Variants in CHN2 observed in about 807,000 individuals in gnomAD.
CHN2 encodes beta-chimaerin.
Under a neutral mutation model 56.3 loss-of-function variants are expected in CHN2, and 35 were observed. The ratio of observed to expected loss-of-function variants is 0.62; its 90% CI spans 0.47 to 0.82. CHN2 has a LOEUF of 0.82. Ranked by LOEUF, CHN2 falls within the 40% of genes least tolerant of loss-of-function variation. The pLI is 0.00. For synonymous variants in CHN2, 210 were observed against 212.8 expected, an observed-to-expected ratio of 0.99 and a Z score of 0.12; for missense variants, 491 against 580.5, an observed-to-expected ratio of 0.85 and a Z score of 1.58.
intron 1 of CHN2, among the ~76,000 whole-genome samples, chr7:29,263,097 T>C (rs1789705227): frequency 6.6e-6 from 1 of 152,224 alleles, no homozygotes; most frequent in African/African-American, 2.4e-5. Context: ...TGGACTGTAC[T>C]GCCGCCATCT....
chr7:29,508,139 G>T (rs933315221), intron 11 of CHN2, among the ~76,000 whole-genome samples: 10 of 152,176 alleles, frequency 6.6e-5, no homozygotes, highest in Admixed American at 6.5e-4. Flanking sequence ...AAGAAGAAAA[G>T]CAAGGCTTGG....
At chr7:29,418,873 T>A (rs1264554332) in intron 6 of CHN2, among the ~76,000 whole-genome samples, 1 of 152,216 alleles carries the variant, frequency 6.6e-6, no homozygotes, top group Non-Finnish European at 1.5e-5. Context: ...CAATTAGCAC[T>A]CTATGTATCT....
upstream of CHN2, among the ~76,000 whole-genome samples, chr7:29,190,670 A>G (rs45174): frequency 6.6e-6 from 1 of 151,980 alleles, no homozygotes; most frequent in Admixed American, 6.5e-5. Flanking sequence ...GTCTTTTTTG[A>G]TCACAGCAAA....
chr7:29,372,167 C>T (rs936372853), intron 3 of CHN2, among the ~76,000 whole-genome samples: 3 of 151,908 alleles, frequency 2.0e-5, no homozygotes, highest in African/African-American at 7.3e-5. Context: ...TCTCCAAGTG[C>T]ACTGCCTTTT....
chr7:29,299,097 C>T (rs1342843892), intron 1 of CHN2, among the ~76,000 whole-genome samples: 2 of 152,180 alleles, frequency 1.3e-5, no homozygotes, highest in Non-Finnish European at 2.9e-5. Context: ...CTTCCTGCCT[C>T]ACAGATTGAA....
At chr7:29,190,670 A>T (rs45174), upstream of CHN2, among the ~76,000 whole-genome samples, 49,769 of 152,034 alleles carry the variant, frequency 0.33, 8,682 homozygotes, top group African/African-American at 0.44. Context: ...GTCTTTTTTG[A>T]TCACAGCAAA....
chr7:29,317,299 GT>G (rs1795021606), intron 1 of CHN2, among the ~76,000 whole-genome samples: 1 of 152,334 alleles, frequency 6.6e-6, no homozygotes, highest in Middle Eastern at 3.4e-3. Context: ...TTTCTCTGGA[GT>G]TTTAAATTGG....
chr7:29,191,718 T>C (rs1050830495), upstream of CHN2: 1 of 152,242 alleles, frequency 6.6e-6, no homozygotes, highest in Non-Finnish European at 1.5e-5. Context: ...AATTAAGATT[T>C]CTGTAGCACC....
chr7:29,150,509 C>T (rs376027986), intron 2 of CHN2, among the ~76,000 whole-genome samples: 1 of 152,296 alleles, frequency 6.6e-6, no homozygotes, highest in African/African-American at 2.4e-5. Flanking sequence ...ATAGCCGGAG[C>T]TTTGCTGAAC....
chr7:29,503,655 G>A (rs576518237), intron 9 of CHN2, among the ~76,000 whole-genome samples: 13 of 152,270 alleles, frequency 8.5e-5, no homozygotes, highest in South Asian at 4.1e-4. Context: ...CGTGATTTAC[G>A]CCACGTATTT....
intron 6 of CHN2, among the ~76,000 whole-genome samples, chr7:29,460,465 G>A (rs191226945): frequency 2.4e-3 from 362 of 152,302 alleles, no homozygotes; most frequent in African/African-American, 8.3e-3. Flanking sequence ...AAGGCAAAGC[G>A]CTGTCTTGAG....
At chr7:29,394,529 A>T (rs1458957692) in intron 4 of CHN2, among the ~76,000 whole-genome samples, 3 of 152,188 alleles carry the variant, frequency 2.0e-5, no homozygotes, top group Admixed American at 1.3e-4. Context: ...TGACCCTCTT[A>T]GGGGTCCCAG....
chr7:29,436,908 T>A (rs1783266733), intron 6 of CHN2, among the ~76,000 whole-genome samples: 2 of 151,638 alleles, frequency 1.3e-5, no homozygotes. Context: ...TTTTTTAAGC[T>A]ACACTTTAAT....
intron 1 of CHN2, among the ~76,000 whole-genome samples, chr7:29,353,017 T>G (rs1314762479): frequency 6.6e-6 from 1 of 152,204 alleles, no homozygotes; most frequent in African/African-American, 2.4e-5. Context: ...ATACATTGAT[T>G]TAGCAAAACC....
intron 1 of CHN2, among the ~76,000 whole-genome samples, chr7:29,215,363 A>T (rs916534627): frequency 3.3e-5 from 5 of 152,084 alleles, no homozygotes; most frequent in Admixed American, 3.3e-4. Flanking sequence ...GGTCCTAGCT[A>T]CTTGAGGCAC....
chr7:29,334,753 C>T (rs889307900), intron 1 of CHN2, among the ~76,000 whole-genome samples: 36 of 150,860 alleles, frequency 2.4e-4, no homozygotes, highest in African/African-American at 8.0e-4. Context: ...CAGACCCTGT[C>T]TCAAACAAAC....
chr7:29,176,042 CA>C (rs1797279934), intron 2 of CHN2, among the ~76,000 whole-genome samples: 1 of 152,088 alleles, frequency 6.6e-6, no homozygotes, highest in Admixed American at 6.5e-5. Flanking sequence ...AAAAATTAGC[CA>C]GGCGTGGTGG....
intron 1 of CHN2, among the ~76,000 whole-genome samples, chr7:29,206,000 G>T (rs1175725101): frequency 6.6e-6 from 1 of 151,670 alleles, no homozygotes; most frequent in Non-Finnish European, 1.5e-5. Flanking sequence ...CCTTCCAAAG[G>T]TAACCACTAC....
Position 29,483,784 on chromosome 7 carries a change from T to C in CHN2, c.654+3428T>C, listed in dbSNP as rs1787629154. 9 of 1,144,402 alleles carry C rather than the reference T, an allele frequency of 7.9e-6. No individual in the cohort carries two copies. The South Asian group carries it at 1.2e-4, about 15-fold the overall frequency. The allele number at this position is 1,144,402 out of a possible 1,614,324, so 70.9% of individuals were successfully genotyped here. A position where few individuals can be genotyped will look rare whatever the true frequency, so the allele number is the denominator to read the frequency against. ...CCAGCCAACCCCAGAGGCCCGGCAG[T>C]CGGCTTGCTCGGCTTCCTGCCCACA... On this transcript the variant is annotated intron_variant, in intron 7 of 12. Coordinates refer to ENST00000222792, the MANE Select transcript of CHN2 (RefSeq NM_004067.4).
Sources: allele counts gnomAD v4.1 joint callset (sites outside exome capture counted in the v4.1 genomes callset), GRCh38; gene constraint gnomAD v4.1.1; transcripts MANE v1.5; gene names NCBI Gene and HGNC (gene_info 2026-07-23, HGNC 2026-07-21).